Variants in RNGTT observed in about 807,000 individuals in gnomAD.
RNGTT encodes RNA guanylyltransferase and 5'-phosphatase, also known as mRNA-capping enzyme.
Under a neutral mutation model 79.3 loss-of-function variants are expected in RNGTT, and 33 were observed. That is an observed-to-expected ratio of 0.42 (90% CI 0.32 to 0.56). The LOEUF (loss-of-function observed/expected upper bound fraction) is 0.56, where lower values mean the gene tolerates loss of function less well. Among genes scored for constraint, RNGTT ranks in the 20% least tolerant of loss-of-function variants. The probability of loss-of-function intolerance (pLI) is 0.17; values close to 1 mark genes in which losing one functional copy is unlikely to be tolerated. For synonymous variants in RNGTT, 222 were observed against 235.9 expected, an observed-to-expected ratio of 0.94 and a Z score of 0.54; for missense variants, 497 against 739.1, an observed-to-expected ratio of 0.67 and a Z score of 3.80.
At chr6:88,694,230 C>T (rs1775579918) in intron 13 of RNGTT, among the ~76,000 whole-genome samples, 1 of 152,012 alleles carries the variant, frequency 6.6e-6, no homozygotes, top group African/African-American at 2.4e-5. Context: ...AAACAAAAAC[C>T]TATTAGAACT....
chr6:88,930,001 TATAC>T (rs1212345141), intron 2 of RNGTT, among the ~76,000 whole-genome samples: 132 of 148,384 alleles, frequency 8.9e-4, no homozygotes, highest in African/African-American at 3.2e-3. Context: ...TGTATACATA[TATAC>T]ATATGCATAT....
At chr6:88,684,104 C>A (rs1775189625) in intron 13 of RNGTT, among the ~76,000 whole-genome samples, 1 of 152,048 alleles carries the variant, frequency 6.6e-6, no homozygotes, top group South Asian at 2.1e-4. Flanking sequence ...AGAAGATATG[C>A]AGATAGCAAG....
chr6:88,859,865 G>C (rs1562289753), intron 8 of RNGTT, among the ~76,000 whole-genome samples: 1 of 152,186 alleles, frequency 6.6e-6, no homozygotes, highest in Non-Finnish European at 1.5e-5. Flanking sequence ...CACGAAGTAA[G>C]CTGGCAAGGG....
At chr6:88,959,866 A>G (rs1785559125) in intron 1 of RNGTT, among the ~76,000 whole-genome samples, 1 of 152,114 alleles carries the variant, frequency 6.6e-6, no homozygotes, top group African/African-American at 2.4e-5. Context: ...TCTTAACCTC[A>G]CTTACATCTT....
intron 12 of RNGTT, among the ~76,000 whole-genome samples, chr6:88,788,781 A>T (rs1029836257): frequency 3.3e-5 from 5 of 152,328 alleles, no homozygotes; most frequent in Non-Finnish European, 7.3e-5. Context: ...AATGCAAGGT[A>T]ATCTACTTTG....
intron 13 of RNGTT, among the ~76,000 whole-genome samples, chr6:88,723,945 A>G (rs1454870720): frequency 6.6e-6 from 1 of 152,168 alleles, no homozygotes; most frequent in East Asian, 1.9e-4. Context: ...GGCTGGTCTC[A>G]AGCTCCTGGC....
In RNGTT at chr6:88,611,318, T is replaced by G. The variant is rs1392191276; in HGVS notation, c.*1401A>C. 1 of 152,676 alleles carries G rather than the reference T, an allele frequency of 6.5e-6. No individual in the cohort carries two copies. Among genetic ancestry groups the G allele is most frequent in the South Asian group, 2.1e-4 (1 of 4,832 alleles). 9.5% of individuals were successfully genotyped at this position (152,676 alleles called of 1,614,324 possible). A position where few individuals can be genotyped will look rare whatever the true frequency, so the allele number is the denominator to read the frequency against. On this transcript the variant is annotated 3_prime_UTR_variant, in exon 16 of 16. Transcript: ENST00000369485. ...GGGTAATTCAGTTGGATTTCGTGTCTGACTGAATCAGTAGAAGAATATACA... is the reference window on the plus strand; with the variant it reads ...GGGTAATTCAGTTGGATTTCGTGTCGGACTGAATCAGTAGAAGAATATACA...
intron 11 of RNGTT, among the ~76,000 whole-genome samples, chr6:88,826,799 A>AAAATATATATATATATATGTGTGTGTAT (rs1554221302): frequency 7.9e-6 from 1 of 126,954 alleles, no homozygotes; most frequent in East Asian, 2.2e-4. Flanking sequence ...AAAAAAAAAA[A>AAAATATATATATATATATGTGTGTGTAT]ATATATATAT....
intron 13 of RNGTT, among the ~76,000 whole-genome samples, chr6:88,697,156 C>T (rs1407657924): frequency 6.6e-6 from 1 of 152,136 alleles, no homozygotes; most frequent in Non-Finnish European, 1.5e-5. Context: ...AATCAAAATA[C>T]AAAGAATCAC....
chr6:88,769,896 A>G (rs1259071727), intron 12 of RNGTT, 22 bp from the exon 13 acceptor site: 2 of 1,512,324 alleles, frequency 1.3e-6, no homozygotes, highest in East Asian at 2.3e-5. Flanking sequence ...TAAAATGATG[A>G]CAATCGTTAC....
At chr6:88,667,869 AGT>A (rs1245441037) in intron 14 of RNGTT, among the ~76,000 whole-genome samples, 1 of 152,194 alleles carries the variant, frequency 6.6e-6, no homozygotes, top group Non-Finnish European at 1.5e-5. Flanking sequence ...GCTTAGGGAA[AGT>A]GTGTCAAGAA....
rs72458928 is a variant in RNGTT at position 88,625,758 on chromosome 6, CA to C, written c.1507-11364del. 6.0e-5 allele frequency among the ~76,000 whole-genome samples: 9 copies of C among 150,852 alleles called. No homozygotes were observed. In the East Asian group the frequency reaches 9.7e-4, roughly 16 times the overall value. ...AAGGTGAATAAAAACAAAAATAATA[CA>C]AAAAAAACAAGAAACAGGTCAGTTA... On this transcript the variant is annotated intron_variant, in intron 14 of 15. Transcript: ENST00000369485.
intron 4 of RNGTT, among the ~76,000 whole-genome samples, chr6:88,917,513 A>G (rs1381979718): frequency 6.6e-6 from 1 of 152,244 alleles, no homozygotes; most frequent in African/African-American, 2.4e-5. Context: ...CCTGTGAAAC[A>G]TACTAAAGAT....
intron 6 of RNGTT, among the ~76,000 whole-genome samples, chr6:88,902,681 T>C (rs946823049): frequency 2.7e-5 from 4 of 147,454 alleles, no homozygotes; most frequent in Non-Finnish European, 5.9e-5. Context: ...AAAAGATGTA[T>C]AGTGAAATCT....
intron 13 of RNGTT, among the ~76,000 whole-genome samples, chr6:88,749,455 C>T (rs1193938752): frequency 6.7e-6 from 1 of 149,034 alleles, no homozygotes; most frequent in Non-Finnish European, 1.5e-5. Context: ...CAAAGTATGA[C>T]TTTAAATTGA....
At chr6:88,879,929 T>C (rs1782641698) in intron 8 of RNGTT, among the ~76,000 whole-genome samples, 1 of 152,200 alleles carries the variant, frequency 6.6e-6, no homozygotes, top group Non-Finnish European at 1.5e-5. Context: ...CCAAATGTTA[T>C]TGAAATACAT....
At chr6:88,835,906 A>C (rs1781049175) in intron 11 of RNGTT, among the ~76,000 whole-genome samples, 1 of 150,982 alleles carries the variant, frequency 6.6e-6, no homozygotes, top group Admixed American at 6.6e-5. Context: ...CACTGAGGTG[A>C]AAGAATTGCT....
chr6:88,764,454 T>C (rs1329258791), intron 13 of RNGTT, among the ~76,000 whole-genome samples: 1 of 152,228 alleles, frequency 6.6e-6, no homozygotes, highest in Non-Finnish European at 1.5e-5. Context: ...TAGAGATTTT[T>C]AGAATACTAT....
At chr6:88,829,970 TAGAC>T (rs1780800996) in intron 11 of RNGTT, among the ~76,000 whole-genome samples, 4 of 152,212 alleles carry the variant, frequency 2.6e-5, no homozygotes, top group African/African-American at 7.2e-5. Flanking sequence ...CTGTCAATAT[TAGAC>T]AGATCAACGA....
Sources: gnomAD v4.1 joint callset for allele counts (sites outside exome capture counted in the v4.1 genomes callset) on GRCh38, gnomAD v4.1.1 for gene constraint, MANE v1.5 for transcripts, NCBI Gene and HGNC (gene_info 2026-07-23, HGNC 2026-07-21) for gene names.